Variants in STK32C observed in about 807,000 individuals in gnomAD.
The protein encoded by STK32C is serine/threonine kinase 32C.
Under a neutral mutation model 56.5 loss-of-function variants are expected in STK32C, and 31 were observed. The observed-to-expected ratio is 0.55, with a 90% CI of 0.41 to 0.74. STK32C has a LOEUF of 0.74. STK32C is among the 30% of genes least tolerant of loss of function. The pLI is 0.00. For synonymous variants in STK32C, 309 were observed against 289.4 expected, an observed-to-expected ratio of 1.07 and a Z score of -0.69; for missense variants, 544 against 676.9, an observed-to-expected ratio of 0.80 and a Z score of 2.18.
At chr10:132,240,812 A>G (rs1242039222) in intron 2 of STK32C, among the ~76,000 whole-genome samples, 1 of 152,078 alleles carries the variant, frequency 6.6e-6, no homozygotes, top group Non-Finnish European at 1.5e-5. Flanking sequence ...ACTTAGGGTC[A>G]AGGGGCGGGG....
intron 1 of STK32C, among the ~76,000 whole-genome samples, chr10:132,289,675 C>G (rs976433682): frequency 6.6e-6 from 1 of 152,240 alleles, no homozygotes; most frequent in African/African-American, 2.4e-5. Flanking sequence ...GGCTCCTAAA[C>G]AGCTGTCTTC....
At chr10:132,313,326 G>A (rs527313101) in intron 1 of STK32C, among the ~76,000 whole-genome samples, 4 of 152,288 alleles carry the variant, frequency 2.6e-5, no homozygotes, top group Admixed American at 1.3e-4. Flanking sequence ...AACATTAAAC[G>A]CCGTGGCTGT....
At chr10:132,265,905 G>A (rs2064506189) in intron 1 of STK32C, among the ~76,000 whole-genome samples, 1 of 152,194 alleles carries the variant, frequency 6.6e-6, no homozygotes, top group South Asian at 2.1e-4. Context: ...AGGGGTTAGG[G>A]GGTGCCGTGC....
In STK32C at chr10:132,225,552, T is replaced by C. The variant is rs1362682065; in HGVS notation, c.747A>G (p.Ala249=). 1.2e-6 allele frequency: 2 copies of C among 1,613,868 alleles called. No individual in the cohort carries two copies. Among genetic ancestry groups the C allele is most frequent in the South Asian group, 1.1e-5 (1 of 91,082 alleles). The change falls in exon 6 of 12, where the codon GCA becomes GCG. Residue 249 remains alanine, a synonymous_variant. Transcript: ENST00000298630. ...TIIKDGERAT[A]LAGTKPYMAP... is the part of the protein sequence containing the mutation. ...CCATGTACGGCTTGGTGCCTGCTAA[T>C]GCCGTCGCCCGCTCCCCGTCCTTGA...
At chr10:132,258,742 TC>T (rs1400639901) in intron 1 of STK32C, among the ~76,000 whole-genome samples, 2 of 152,172 alleles carry the variant, frequency 1.3e-5, no homozygotes, top group Admixed American at 6.5e-5. Flanking sequence ...TCACACGTAT[TC>T]CCACTGCCCC....
Position 132,306,546 on chromosome 10 carries a change from C to A in STK32C, c.262+1026G>T, listed in dbSNP as rs183626340. ...TGCACGGCCCCACACTCACCAACGC[C>A]GGCCTGAGGTCGTATTACTGTAATT... is the stretch of plus-strand genomic sequence containing the variant. On this transcript the variant is annotated intron_variant, in intron 1 of 11. Coordinates refer to ENST00000298630, the MANE Select transcript of STK32C (RefSeq NM_173575.4). Among the ~76,000 whole-genome samples the A allele has an allele frequency of 4.7e-4, 71 of 152,302 alleles. 1 individual carries two copies. Among genetic ancestry groups the A allele is most frequent in the South Asian group, 2.1e-3 (10 of 4,820 alleles).
intron 2 of STK32C, among the ~76,000 whole-genome samples, chr10:132,234,102 C>A (rs1464834581): frequency 6.6e-6 from 1 of 152,240 alleles, no homozygotes; most frequent in Non-Finnish European, 1.5e-5. Flanking sequence ...AACCTGTGGC[C>A]TCGTGGACTC....
At chr10:132,309,588 C>T (rs4453145), upstream of STK32C, among the ~76,000 whole-genome samples, 51,264 of 152,114 alleles carry the variant, frequency 0.34, 10,114 homozygotes, top group African/African-American at 0.53. Flanking sequence ...AGCTCTGTTC[C>T]CTGCTCTCCC....
At chr10:132,262,753 CAAAAAA>C (rs34135037) in intron 1 of STK32C, among the ~76,000 whole-genome samples, 1 of 73,382 alleles carries the variant, frequency 1.4e-5, no homozygotes, top group African/African-American at 4.6e-5. Flanking sequence ...GACTCCATCT[CAAAAAA>C]AAAAAAAAAA....
chr10:132,230,691 G>T (rs865840092), intron 2 of STK32C, among the ~76,000 whole-genome samples: 6 of 137,794 alleles, frequency 4.4e-5, no homozygotes, highest in South Asian at 5.0e-4. Context: ...GGGGGGGGGG[G>T]GCTGCAGAGC....
At chr10:132,308,453 G>C (rs2066152698), upstream of STK32C, among the ~76,000 whole-genome samples, 1 of 152,172 alleles carries the variant, frequency 6.6e-6, no homozygotes, top group African/African-American at 2.4e-5. Context: ...CCAGCCTTCT[G>C]CTTTGCGCAG....
At chr10:132,270,532 T>C (rs1198453743) in intron 1 of STK32C, among the ~76,000 whole-genome samples, 1 of 152,174 alleles carries the variant, frequency 6.6e-6, no homozygotes, top group African/African-American at 2.4e-5. Context: ...ATGTGCACTG[T>C]GGGAACCGCA....
rs549479555 is a variant in STK32C, at chr10:132,246,873, A to G, written c.263-918T>C. Among the ~76,000 whole-genome samples, 42 of 152,078 alleles carry G rather than the reference A, an allele frequency of 2.8e-4. 1 individual carries two copies. Among genetic ancestry groups the G allele is most frequent in the Admixed American group, 5.2e-4 (8 of 15,288 alleles). ...TTGTGTCCCCAGGCCTGTGTCCCCA[A>G]TTCTGCACCCCTAAGTCCGTGTCCC... On this transcript the variant is annotated intron_variant, in intron 1 of 11. Transcript: ENST00000298630.
At chr10:132,238,241 G>A (rs191272897) in intron 2 of STK32C, among the ~76,000 whole-genome samples, 176 of 152,326 alleles carry the variant, frequency 1.2e-3, no homozygotes, top group East Asian at 5.8e-4. Flanking sequence ...TACACAGCAG[G>A]TCCAAGAGAT....
chr10:132,311,150 C>G (rs899675539), upstream of STK32C, among the ~76,000 whole-genome samples: 1 of 152,126 alleles, frequency 6.6e-6, no homozygotes, highest in Non-Finnish European at 1.5e-5. The surrounding 1 kb of genome is among the most constrained non-coding windows in gnomAD (Gnocchi z 4.4). Context: ...ATAATTGGCA[C>G]ACAGCTCAGT....
At chr10:132,303,602 C>T (rs906326494) in intron 1 of STK32C, among the ~76,000 whole-genome samples, 4 of 152,202 alleles carry the variant, frequency 2.6e-5, no homozygotes, top group South Asian at 2.1e-4. Flanking sequence ...CGCTAACAAG[C>T]GCGGGCAGGC....
At chr10:132,253,998 G>A (rs957104073) in intron 1 of STK32C, among the ~76,000 whole-genome samples, 4 of 152,186 alleles carry the variant, frequency 2.6e-5, no homozygotes, top group African/African-American at 9.7e-5. Context: ...AAGCCTCAGT[G>A]GAGTTTCAGG....
At chr10:132,238,875 A>G (rs139111537) in intron 2 of STK32C, among the ~76,000 whole-genome samples, 107 of 152,328 alleles carry the variant, frequency 7.0e-4, no homozygotes, top group African/African-American at 2.3e-3. Context: ...ACGTTCATGT[A>G]CACAGGTATG....
At chr10:132,240,375 G>A (rs368149222) in intron 2 of STK32C, among the ~76,000 whole-genome samples, 288 of 152,316 alleles carry the variant, frequency 1.9e-3, no homozygotes, top group African/African-American at 5.9e-3. Context: ...AGCAGCCGCT[G>A]GCGGGTTGCC....
Sources: gnomAD v4.1 joint callset for allele counts (sites outside exome capture counted in the v4.1 genomes callset) on GRCh38, gnomAD v4.1.1 for gene constraint, Gnocchi (gnomAD v3.1) non-coding constraint, MANE v1.5 for transcripts, NCBI Gene and HGNC (gene_info 2026-07-23, HGNC 2026-07-21) for gene names.